Variants in SAMSN1 observed in about 807,000 individuals in gnomAD.
SAMSN1 encodes the protein SAM domain-containing protein SAMSN-1.
A neutral mutation model predicts 42.0 loss-of-function variants in SAMSN1; 31 were observed. The ratio of observed to expected loss-of-function variants is 0.74; its 90% CI spans 0.55 to 1.00. The LOEUF (loss-of-function observed/expected upper bound fraction) is 1.00, where lower values mean the gene tolerates loss of function less well. SAMSN1 is among the 50% of genes least tolerant of loss of function. The pLI is 0.00. For missense variants in SAMSN1, 464 were observed against 439.4 expected (o/e 1.06, Z -0.50); for synonymous variants, 178 against 151.9 (o/e 1.17, Z -1.26).
intron 3 of SAMSN1, among the ~76,000 whole-genome samples, chr21:14,514,017 T>C (rs1987800440): frequency 6.6e-6 from 1 of 152,160 alleles, no homozygotes. Flanking sequence ...ACTGCCCCTC[T>C]GTATCCATCA....
At chr21:14,525,223 G>A (rs955701705) in intron 1 of SAMSN1, among the ~76,000 whole-genome samples, 3 of 152,170 alleles carry the variant, frequency 2.0e-5, no homozygotes, top group Non-Finnish European at 4.4e-5. Flanking sequence ...TGTGCTTTGT[G>A]ATGGAAGCAT....
chr21:14,580,185 AC>A (rs1173301425), intron 2 of SAMSN1, among the ~76,000 whole-genome samples: 3 of 152,218 alleles, frequency 2.0e-5, no homozygotes, highest in Non-Finnish European at 4.4e-5. Context: ...AGGCCATCAC[AC>A]TGTCACAAAG....
intron 7 of SAMSN1, among the ~76,000 whole-genome samples, chr21:14,491,992 A>AT (rs56828226): frequency 0.26 from 40,193 of 151,944 alleles, 7,290 homozygotes; most frequent in East Asian, 0.76. Flanking sequence ...ACGCTATATC[A>AT]TTTTTTTAAC....
chr21:14,608,102 A>G (rs551564174), intron 5 of SAMSN1, among the ~76,000 whole-genome samples: 1 of 152,322 alleles, frequency 6.6e-6, no homozygotes, highest in South Asian at 2.1e-4. Context: ...AGGAATACCA[A>G]CTTGAATGGC....
At chr21:14,574,089 A>T (rs1981387505) in intron 2 of SAMSN1, among the ~76,000 whole-genome samples, 1 of 152,138 alleles carries the variant, frequency 6.6e-6, no homozygotes, top group Non-Finnish European at 1.5e-5. Context: ...CCAAAGATTG[A>T]TGTCCAGCTT....
chr21:14,609,411 A>T, intron 5 of SAMSN1: 1 of 709,436 alleles, frequency 1.4e-6, no homozygotes, highest in Non-Finnish European at 2.6e-6. Context: ...GGAAGATGTG[A>T]ATTTTTCTTA....
chr21:14,624,782 C>T (rs1030258685), intron 2 of SAMSN1, among the ~76,000 whole-genome samples: 1 of 152,174 alleles, frequency 6.6e-6, no homozygotes, highest in Non-Finnish European at 1.5e-5. Context: ...TTTTATGAGG[C>T]CAGCATCATC....
chr21:14,593,529 A>C (rs1402039896), intron 7 of SAMSN1, among the ~76,000 whole-genome samples: 2 of 152,162 alleles, frequency 1.3e-5, no homozygotes, highest in Admixed American at 6.6e-5. Flanking sequence ...GAGCTGGCAC[A>C]CAGAGATACT....
intron 5 of SAMSN1, among the ~76,000 whole-genome samples, chr21:14,603,472 A>T (rs547941773): frequency 6.6e-6 from 1 of 152,370 alleles, no homozygotes; most frequent in Admixed American, 6.5e-5. Context: ...TGGAAGCTTG[A>T]AGAATGGATA....
chr21:14,590,355 G>A (rs1982045747), intron 7 of SAMSN1, among the ~76,000 whole-genome samples: 1 of 151,884 alleles, frequency 6.6e-6, no homozygotes, highest in Non-Finnish European at 1.5e-5. Context: ...AGAACTTACT[G>A]TAGCTTTGAA....
chr21:14,487,538 T>G (rs1035674592), intron 7 of SAMSN1, among the ~76,000 whole-genome samples: 1 of 152,154 alleles, frequency 6.6e-6, no homozygotes, highest in African/African-American at 2.4e-5. Flanking sequence ...TAGTTAAGCA[T>G]CATCCATGGG....
intron 1 of SAMSN1, among the ~76,000 whole-genome samples, chr21:14,643,791 C>T (rs534574691): frequency 6.6e-6 from 1 of 152,226 alleles, no homozygotes; most frequent in South Asian, 2.1e-4. Flanking sequence ...AAAACAGTCC[C>T]GAATCTCCGA....
intron 2 of SAMSN1, among the ~76,000 whole-genome samples, chr21:14,620,696 T>A (rs1452311649): frequency 6.6e-6 from 1 of 152,234 alleles, no homozygotes; most frequent in Non-Finnish European, 1.5e-5. Context: ...GAATTCCATT[T>A]TTTTAGCTTT....
chr21:14,595,902 TTTTCTGG>T (rs1982246680), intron 6 of SAMSN1, among the ~76,000 whole-genome samples: 1 of 152,158 alleles, frequency 6.6e-6, no homozygotes, highest in African/African-American at 2.4e-5. Flanking sequence ...TTACTAGCCA[TTTTCTGG>T]GCTGCGAAAT....
chr21:14,653,403 CA>C (rs1455894263), intron 1 of SAMSN1, among the ~76,000 whole-genome samples: 1 of 151,966 alleles, frequency 6.6e-6, no homozygotes, highest in African/African-American at 2.4e-5. Flanking sequence ...CACTGAAAGA[CA>C]AACATCGCAT....
chr21:14,525,652 G>A (rs556816548), intron 1 of SAMSN1, among the ~76,000 whole-genome samples: 11 of 152,116 alleles, frequency 7.2e-5, no homozygotes, highest in Admixed American at 1.3e-4. Context: ...ATAATCTAGC[G>A]AGGAGCAGCA....
chr21:14,485,779 A>T lies in SAMSN1; in HGVS notation c.*133T>A. 1.5e-6 allele frequency: 1 copy of T among 658,570 alleles called. No homozygotes were observed. The allele number at this position is 658,570 out of a possible 1,614,324, so 40.8% of individuals were successfully genotyped here. A position where few individuals can be genotyped will look rare whatever the true frequency, so the allele number is the denominator to read the frequency against. On this transcript the variant is annotated 3_prime_UTR_variant, in exon 8 of 8. Transcript: ENST00000400566. ...GAGATACAAAATTTTATGTACAATT[A>T]TTCAGATTAAAACATTTAAACTTTA... is the stretch of plus-strand genomic sequence containing the variant.
Position 14,582,278 on chromosome 21 carries a change from C to T in SAMSN1, c.119G>A (p.Trp40Ter), listed in dbSNP as rs748047784. 6.4e-7 allele frequency: 1 copy of T among 1,550,804 alleles called. No homozygotes were observed. Among genetic ancestry groups the T allele is most frequent in the African/African-American group, 1.4e-5 (1 of 73,156 alleles). ...GAGAGGGTTTTCAGGAAAAGGCTTC[C>T]AGTGATGCCACATGTAAGCTTCACC... Residue 40 changes from tryptophan to a stop codon, truncating the protein, a stop_gained, in exon 2 of 9, where the codon TGG becomes TAG. Transcript: ENST00000285670. LOFTEE classifies it high-confidence loss of function.
At chr21:14,527,760 T>TAAAAAAAAAAAAAA (rs71183427) in intron 1 of SAMSN1, among the ~76,000 whole-genome samples, 1 of 107,878 alleles carries the variant, frequency 9.3e-6, no homozygotes. Flanking sequence ...AAACTAGAAC[T>TAAAAAAAAAAAAAA]AAAAAAAAAA....
Sources: allele counts gnomAD v4.1 joint callset (sites outside exome capture counted in the v4.1 genomes callset), GRCh38; gene constraint gnomAD v4.1.1; transcripts MANE v1.5; gene names NCBI Gene and HGNC (gene_info 2026-07-23, HGNC 2026-07-21).